DYNC1H1: variants seen among roughly 807,000 people sequenced by gnomAD.
The protein encoded by DYNC1H1 is dynein cytoplasmic 1 heavy chain 1.
DYNC1H1 carries 51 observed loss-of-function variants against 527.1 expected under a neutral mutation model. The ratio of observed to expected loss-of-function variants is 0.10; its 90% CI spans 0.08 to 0.12. The LOEUF (loss-of-function observed/expected upper bound fraction) is 0.12, where lower values mean the gene tolerates loss of function less well. DYNC1H1 is among the 10% of genes least tolerant of loss of function. The pLI is 1.00. For missense variants in DYNC1H1, 2,771 were observed against 5,971.8 expected (o/e 0.46, Z 17.66); for synonymous variants, 2,189 against 2,278.8 (o/e 0.96, Z 1.12).
rs755029054 is a variant in DYNC1H1, at chr14:102,042,360, G to A, written c.12276-24G>A. 4 of 1,614,202 alleles carry A rather than the reference G, an allele frequency of 2.5e-6. No homozygotes were observed. The highest frequency in any genetic ancestry group is 1.7e-5 in the Admixed American group (1 of 60,022). ...TCAGGCAGGCAGCCTGGCATGCTGT[G>A]TGACTCTCACTTTGTGTGTGCAGGT... is the stretch of plus-strand genomic sequence containing the variant. On this transcript the variant is annotated intron_variant, in intron 67 of 77. Transcript: ENST00000360184. This position sits in a 1 kb window ranked among gnomAD's most constrained non-coding sequence, Gnocchi z 5.7.
At position 102,038,512 on chromosome 14, in the gene DYNC1H1, G is replaced by A. The variant is rs763451915; in HGVS notation, c.10961G>A (p.Arg3654Gln). 2.5e-6 allele frequency: 4 copies of A among 1,614,136 alleles called. No individual in the cohort carries two copies. The highest frequency in any genetic ancestry group is 2.5e-6 in the Non-Finnish European group (3 of 1,180,034). The change falls in exon 58 of 78, where the codon CGG becomes CAG. Residue 3654 changes from arginine (R) to glutamine (Q), a missense_variant. Physicochemically the swap from Arg to Gln is conservative, Grantham distance 43. Around this residue, in one of 32 missense-constraint regions of DYNC1H1, gnomAD observed 283 missense variants for 737.6 expected, o/e 0.38. Coordinates refer to ENST00000360184, the MANE Select transcript of DYNC1H1 (RefSeq NM_001376.5). This position sits in a 1 kb window ranked among gnomAD's most constrained non-coding sequence, Gnocchi z 7.2. Reference protein sequence around the residue: ...VLNPVLNREVRRTGGRVLITL... With the variant: ...VLNPVLNREVQRTGGRVLITL... Reference sequence around the variant, plus strand: ...AACCCGGTGCTGAACCGTGAAGTGCGGCGAACAGGGGGGAGAGTGCTGATC... The same window carrying A: ...AACCCGGTGCTGAACCGTGAAGTGCAGCGAACAGGGGGGAGAGTGCTGATC...
chr14:101,992,026 C>T (rs977720931), intron 11 of DYNC1H1, among the ~76,000 whole-genome samples: 1 of 150,668 alleles, frequency 6.6e-6, no homozygotes, highest in Non-Finnish European at 1.5e-5. Context: ...ACAGCTTTAT[C>T]AATATGTGGA....
intron 63 of DYNC1H1, 39 bp from the exon 64 acceptor site, chr14:102,040,559 A>G (rs2152595787): frequency 6.2e-7 from 1 of 1,613,914 alleles, no homozygotes; most frequent in Non-Finnish European, 8.5e-7. Flanking sequence ...CCCAGAGGCC[A>G]GCCCTGCTCC....
intron 52 of DYNC1H1, 143 bp downstream of exon 52, chr14:102,032,610 G>C (rs2048521961): frequency 1.2e-5 from 13 of 1,094,544 alleles, no homozygotes; most frequent in African/African-American, 1.6e-5. Context: ...CCAGAACTTT[G>C]GGAGGCTGAG....
Position 102,033,884 on chromosome 14 carries a change from C to A in DYNC1H1, c.10414-92C>A. On this transcript the variant is annotated intron_variant, in intron 54 of 77. Coordinates refer to ENST00000360184, the MANE Select transcript of DYNC1H1 (RefSeq NM_001376.5). This position sits in a 1 kb window ranked among gnomAD's most constrained non-coding sequence, Gnocchi z 5.6. ...GGCACGTTTCTAACCCACCCAAAAC[C>A]CTGCACATAATGTGGATGAACCGAT... 2 of 1,443,052 alleles carry A rather than the reference C, an allele frequency of 1.4e-6. No homozygotes were observed. Among genetic ancestry groups the A allele is most frequent in the Non-Finnish European group, 1.9e-6 (2 of 1,041,972 alleles). The allele number at this position is 1,443,052 out of a possible 1,614,324, so 89.4% of individuals were successfully genotyped here.
Position 102,030,483 on chromosome 14 carries a change from A to C in DYNC1H1, c.9883+201A>C, listed in dbSNP as rs140654818. On this transcript the variant is annotated intron_variant, in intron 51 of 77. Transcript: ENST00000360184. ...CTCAAAGCAAAGTTCCTACAAAGCT[A>C]GATTGTATTTACCATAGTGAAACCC... is the stretch of plus-strand genomic sequence containing the variant. 3.4e-3 allele frequency: 2,378 copies of C among 695,966 alleles called. 7 individuals are homozygous for C. Among genetic ancestry groups the C allele is most frequent in the Non-Finnish European group, 4.9e-3 (2,091 of 429,950 alleles). 43.1% of individuals were successfully genotyped at this position (695,966 alleles called of 1,614,324 possible). A position where few individuals can be genotyped will look rare whatever the true frequency, so the allele number is the denominator to read the frequency against.
rs2048826492 is a variant in DYNC1H1, at chr14:102,052,603, GAGA to G, written c.*2043_*2045del. 6.6e-6 allele frequency: 1 copy of G among 152,266 alleles called. No individual in the cohort carries two copies. Among genetic ancestry groups the G allele is most frequent in the African/African-American group, 2.4e-5 (1 of 41,438 alleles). 9.4% of individuals were successfully genotyped at this position (152,266 alleles called of 1,614,324 possible). On this transcript the variant is annotated 3_prime_UTR_variant, in exon 78 of 78. Transcript: ENST00000360184. The stretch of plus-strand genomic sequence containing the variant: ...AAGGAAGAGCTCCAGCTTCCTCTTG[GAGA>G]AGGAGATTCTGGGCCCCTTTTCTCT...
intron 44 of DYNC1H1, 177 bp downstream of exon 44, chr14:102,026,884 T>A: frequency 1.0e-6 from 1 of 971,278 alleles, no homozygotes; most frequent in Non-Finnish European, 1.6e-6. Context: ...CAGTTTATCC[T>A]AAGCAGAACT....
At chr14:102,000,572 C>CA in intron 18 of DYNC1H1, 173 bp downstream of exon 18, 1 of 608,484 alleles carries the variant, frequency 1.6e-6, no homozygotes, top group African/African-American at 2.4e-5. Context: ...TATTTTGAAA[C>CA]CTTTTTTTTT....
Position 102,027,205 on chromosome 14 carries a change from C to T in DYNC1H1, c.8803C>T (p.Leu2935=). Residue 2935 remains leucine, a synonymous_variant, in exon 45 of 78, where the codon CTG becomes TTG. Coordinates refer to ENST00000360184, the MANE Select transcript of DYNC1H1 (RefSeq NM_001376.5). The surrounding 1 kb of genome is among the most constrained non-coding windows in gnomAD (Gnocchi z 7.7). ...IFRQPQGHLL[L]IGVSGAGKTT... ...CCGTCAACCTCAAGGCCACTTGCTT[C>T]TGATTGGTGTTAGTGGAGCAGGAAA... 1 of 1,614,098 alleles carries T rather than the reference C, an allele frequency of 6.2e-7. No individual in the cohort carries two copies.
rs1291227028 is a variant in DYNC1H1, at chr14:102,001,959, G to A, written c.4542+278G>A. 6.6e-6 allele frequency among the ~76,000 whole-genome samples: 1 copy of A among 152,040 alleles called. No homozygotes were observed. The highest frequency in any genetic ancestry group is 1.5e-5 in the Non-Finnish European group (1 of 68,010). On this transcript the variant is annotated intron_variant, in intron 21 of 77. Coordinates refer to ENST00000360184, the MANE Select transcript of DYNC1H1 (RefSeq NM_001376.5). The surrounding 1 kb of genome is among the most constrained non-coding windows in gnomAD (Gnocchi z 5.0). ...GGGCTAGCTTTTTATTTTTTGTAGA[G>A]ACAGCATCTCACTATATTGCCCAGG... is the stretch of plus-strand genomic sequence containing the variant.
Position 101,964,790 on chromosome 14 carries a change from C to A in DYNC1H1, c.99C>A (p.His33Gln). 1.2e-6 allele frequency: 2 copies of A among 1,602,844 alleles called. No homozygotes were observed. The highest frequency in any genetic ancestry group is 1.7e-6 in the Non-Finnish European group (2 of 1,176,788). The stretch of plus-strand genomic sequence containing the variant: ...CGGACGTGTCGGTGCTGCAGAAGCA[C>A]CTGCGCAAGCTGGTGCCGCTGCTGC... ...NVADVSVLQK[H>Q]LRKLVPLLLE... Residue 33 changes from histidine to glutamine, a missense_variant, in exon 1 of 78, where the codon CAC becomes CAA. This residue lies in a region of DYNC1H1 where 101 missense variants were observed against 105.3 expected (regional missense o/e 0.96). Coordinates refer to ENST00000360184, the MANE Select transcript of DYNC1H1 (RefSeq NM_001376.5). This position sits in a 1 kb window ranked among gnomAD's most constrained non-coding sequence, Gnocchi z 5.5.
chr14:102,019,274 G>T (rs2048358904), intron 41 of DYNC1H1, among the ~76,000 whole-genome samples: 1 of 152,214 alleles, frequency 6.6e-6, no homozygotes, highest in African/African-American at 2.4e-5. Flanking sequence ...TAACAAAAAT[G>T]TCTTTGCCCA....
rs1270095422 is a variant in DYNC1H1 at position 102,010,957 on chromosome 14, CTT to C, written c.6618+6_6618+7del. On this transcript the variant is annotated splice_donor_region_variant and intron_variant, in intron 32 of 77. Transcript: ENST00000360184. This position sits in a 1 kb window ranked among gnomAD's most constrained non-coding sequence, Gnocchi z 6.0. ...GGTGGAATGTGGGTTGAAAAGGTAA[CTT>C]GGATTGTTTCACTGGCCACTGCCCT... 1 of 1,614,186 alleles carries C rather than the reference CTT, an allele frequency of 6.2e-7. No homozygotes were observed. The highest frequency in any genetic ancestry group is 1.7e-5 in the Admixed American group (1 of 60,024).
intron 74 of DYNC1H1, chr14:102,048,943 A>C: frequency 2.0e-6 from 1 of 495,234 alleles, no homozygotes; most frequent in African/African-American, 1.9e-5. Flanking sequence ...GACGACAGTG[A>C]ATGGGGAATG....
Position 102,044,315 on chromosome 14 carries a change from A to G in DYNC1H1, c.12726A>G (p.Ala4242=), listed in dbSNP as rs1267261242. 19 of 1,614,084 alleles carry G rather than the reference A, an allele frequency of 1.2e-5. No homozygotes were observed. The highest frequency in any genetic ancestry group is 1.6e-5 in the Non-Finnish European group (19 of 1,180,042). ...NISPDKIPWS[A]LKTLMAQSIY... ...CACCGGATAAGATCCCGTGGTCTGC[A>G]CTAAAGACCTTAATGGCCCAGTCCA... The change falls in exon 71 of 78, where the codon GCA becomes GCG. Residue 4242 remains alanine, a synonymous_variant. Coordinates refer to ENST00000360184, the MANE Select transcript of DYNC1H1 (RefSeq NM_001376.5). This position sits in a 1 kb window ranked among gnomAD's most constrained non-coding sequence, Gnocchi z 7.1.
At position 102,027,883 on chromosome 14, in the gene DYNC1H1, A is replaced by G. The variant is rs1417219765; in HGVS notation, c.9263+50A>G. 7.4e-6 allele frequency: 12 copies of G among 1,614,072 alleles called. No homozygotes were observed. Among genetic ancestry groups the G allele is most frequent in the Non-Finnish European group, 1.0e-5 (12 of 1,180,030 alleles). The stretch of plus-strand genomic sequence containing the variant: ...GGGTCAGGAAAGTCGGTGTCCTTCC[A>G]AGGGACAAAGCCTGCCCCTCATAGC... On this transcript the variant is annotated intron_variant, in intron 47 of 77. Coordinates refer to ENST00000360184, the MANE Select transcript of DYNC1H1 (RefSeq NM_001376.5). The surrounding 1 kb of genome is among the most constrained non-coding windows in gnomAD (Gnocchi z 7.7).
chr14:101,964,951 C>G lies in DYNC1H1; in HGVS notation c.256+4C>G. ...GTGGAGCGCTCCACGCTCAAAGGTG[C>G]GGGGCCGCGGAGGGCAGGGTCGCCA... On this transcript the variant is annotated splice_donor_region_variant and intron_variant, in intron 1 of 77. Coordinates refer to ENST00000360184, the MANE Select transcript of DYNC1H1 (RefSeq NM_001376.5). The surrounding 1 kb of genome is among the most constrained non-coding windows in gnomAD (Gnocchi z 5.5). 1 of 1,590,604 alleles carries G rather than the reference C, an allele frequency of 6.3e-7. No homozygotes were observed. Among genetic ancestry groups the G allele is most frequent in the Non-Finnish European group, 8.5e-7 (1 of 1,169,832 alleles).
intron 56 of DYNC1H1, 120 bp downstream of exon 56, chr14:102,034,572 C>G: frequency 1.3e-6 from 2 of 1,540,940 alleles, no homozygotes; most frequent in Non-Finnish European, 1.8e-6. Context: ...GCATACAGTG[C>G]TGGCAGCTTG....
Sources: gnomAD v4.1 joint callset for allele counts (sites outside exome capture counted in the v4.1 genomes callset) on GRCh38, gnomAD v4.1.1 for gene constraint, gnomAD v4.1.1 regional missense constraint, Gnocchi (gnomAD v3.1) non-coding constraint, MANE v1.5 for transcripts, NCBI Gene and HGNC (gene_info 2026-07-23, HGNC 2026-07-21) for gene names.